The following NEDD9 variants were observed in gnomAD, a reference collection of about 807,000 sequenced individuals.
The protein encoded by NEDD9 is neural precursor cell expressed, developmentally down-regulated 9.
NEDD9 carries 26 observed loss-of-function variants against 76.6 expected under a neutral mutation model. The observed-to-expected ratio is 0.34, with a 90% confidence interval of 0.25 to 0.47. NEDD9 has a LOEUF of 0.47. Ranked by LOEUF, NEDD9 falls within the 20% of genes least tolerant of loss-of-function variation. The pLI is 1.00. For synonymous variants in NEDD9, 392 were observed against 414.2 expected (o/e 0.95, Z 0.65); for missense variants, 937 against 1,058.5 (o/e 0.89, Z 1.59).
chr6:11,328,870 T>C (rs559311383), intron 2 of NEDD9: 1 of 152,388 alleles, frequency 6.6e-6, no homozygotes, highest in Non-Finnish European at 1.5e-5. Context: ...CTCCATGAGA[T>C]ACCTCCTAAA....
At chr6:11,366,304 A>G (rs1173418325) in intron 1 of NEDD9, among the ~76,000 whole-genome samples, 51 of 124,806 alleles carry the variant, frequency 4.1e-4, no homozygotes, top group Middle Eastern at 3.9e-3. Context: ...GGAAAGAAAG[A>G]AAGAAAGAGA....
chr6:11,222,692 T>C (rs1759182456), intron 1 of NEDD9, among the ~76,000 whole-genome samples: 1 of 152,236 alleles, frequency 6.6e-6, no homozygotes, highest in African/African-American at 2.4e-5. Flanking sequence ...ACTTTAAAGT[T>C]GCCTTAGAGA....
intron 1 of NEDD9, among the ~76,000 whole-genome samples, chr6:11,337,471 G>A (rs1459966244): frequency 1.3e-5 from 2 of 152,156 alleles, no homozygotes; most frequent in Non-Finnish European, 2.9e-5. Flanking sequence ...ACAAACATGT[G>A]AGCAATGCAT....
chr6:11,366,979 A>G (rs911428858), intron 1 of NEDD9, among the ~76,000 whole-genome samples: 2 of 152,258 alleles, frequency 1.3e-5, no homozygotes, highest in Admixed American at 1.3e-4. Context: ...GTTGTTACCT[A>G]GCACCAAGAT....
intron 2 of NEDD9, among the ~76,000 whole-genome samples, chr6:11,195,577 G>A (rs891687669): frequency 7.2e-5 from 11 of 152,124 alleles, no homozygotes; most frequent in African/African-American, 2.7e-4. Flanking sequence ...TGCTCATAGT[G>A]CAGCTTTTGT....
At chr6:11,369,905 ACTG>A (rs1168992002) in intron 1 of NEDD9, among the ~76,000 whole-genome samples, 1 of 152,348 alleles carries the variant, frequency 6.6e-6, no homozygotes, top group East Asian at 1.9e-4. Flanking sequence ...ATCATGCTCA[ACTG>A]CATTTCACAT....
chr6:11,291,350 C>T (rs1446662269), intron 3 of NEDD9, among the ~76,000 whole-genome samples: 2 of 145,110 alleles, frequency 1.4e-5, no homozygotes, highest in African/African-American at 5.3e-5. Flanking sequence ...TCTCTGCTCA[C>T]TGCAAGCTCC....
rs1026141571 is a variant in NEDD9 at position 11,371,041 on chromosome 6, G to A, written c.-214+11098C>T. On this transcript the variant is annotated intron_variant, in intron 1 of 3. Transcript: ENST00000397378. ...AGGCAGAGGGACTGTCAGTGCAAAC[G>A]TCCGGTGTTGGGCACTTTCTTGGCC... Among the ~76,000 whole-genome samples the A allele has an allele frequency of 3.3e-5, 5 of 152,224 alleles. No individual in the cohort carries two copies. In the East Asian group the frequency reaches 9.6e-4, roughly 29 times the overall value.
intron 2 of NEDD9, among the ~76,000 whole-genome samples, chr6:11,205,112 T>C (rs72827123): frequency 0.02 from 3,015 of 152,322 alleles, 45 homozygotes; most frequent in South Asian, 0.045. Flanking sequence ...ATCATTAGCA[T>C]TGGAGTCAGA....
At chr6:11,254,529 A>C (rs1759967799) in intron 3 of NEDD9, among the ~76,000 whole-genome samples, 1 of 152,250 alleles carries the variant, frequency 6.6e-6, no homozygotes, top group Non-Finnish European at 1.5e-5. Context: ...TTTTGGTTAC[A>C]TAAATACATT....
At chr6:11,286,404 A>T (rs912175628) in intron 3 of NEDD9, among the ~76,000 whole-genome samples, 3 of 152,242 alleles carry the variant, frequency 2.0e-5, no homozygotes, top group African/African-American at 4.8e-5. Flanking sequence ...ATGGGAACAT[A>T]GTTAGGCAGT....
chr6:11,348,501 G>A (rs780459715), intron 1 of NEDD9, among the ~76,000 whole-genome samples: 15 of 152,062 alleles, frequency 9.9e-5, no homozygotes, highest in East Asian at 1.9e-4. Flanking sequence ...AGAACAAAGC[G>A]GGAGGTAACA....
At chr6:11,326,686 T>C (rs1279864551) in intron 2 of NEDD9, among the ~76,000 whole-genome samples, 1 of 152,180 alleles carries the variant, frequency 6.6e-6, no homozygotes, top group African/African-American at 2.4e-5. Context: ...CTGGCCTTTG[T>C]CACTGAGAAC....
intron 2 of NEDD9, among the ~76,000 whole-genome samples, chr6:11,312,689 A>AT (rs1761408229): frequency 3.0e-5 from 3 of 98,824 alleles, no homozygotes; most frequent in African/African-American, 1.3e-4. Flanking sequence ...TATATTATAT[A>AT]TATTATATAT....
intron 1 of NEDD9, among the ~76,000 whole-genome samples, chr6:11,348,113 C>T (rs1321984991): frequency 6.6e-6 from 1 of 152,166 alleles, no homozygotes; most frequent in Non-Finnish European, 1.5e-5. Flanking sequence ...AATTGATGTA[C>T]AAAAATTACG....
chr6:11,303,272 A>G (rs138490162), intron 3 of NEDD9, among the ~76,000 whole-genome samples: 2,298 of 152,292 alleles, frequency 0.015, 32 homozygotes, highest in East Asian at 0.031. Context: ...CACAATTACT[A>G]CAAAAAGAAT....
intron 4 of NEDD9, 65 bp downstream of exon 4, chr6:11,192,279 CT>C (rs1758163774): frequency 5.5e-6 from 2 of 364,636 alleles, no homozygotes; most frequent in Non-Finnish European, 9.1e-6. Context: ...CCTCCCAACC[CT>C]GCACCCCCCG....
intron 1 of NEDD9, among the ~76,000 whole-genome samples, chr6:11,372,775 T>G (rs902336449): frequency 2.6e-5 from 4 of 152,262 alleles, no homozygotes; most frequent in African/African-American, 9.6e-5. Context: ...TTCATATACC[T>G]GCTTGCCATT....
At position 11,381,634 on chromosome 6, in the gene NEDD9, A is replaced by G. The variant is rs140078587; in HGVS notation, c.-214+505T>C. On this transcript the variant is annotated intron_variant, in intron 1 of 3. Coordinates refer to the NEDD9 transcript ENST00000397378. ...ACTTGTCCTCAGCCCCTTGGAGATG[A>G]TCCTAATGACTACAGGGATAGGACA... Among the ~76,000 whole-genome samples, 663 of 152,298 alleles carry G rather than the reference A, an allele frequency of 4.4e-3. 9 individuals are homozygous for G. Among genetic ancestry groups the G allele is most frequent in the African/African-American group, 0.015 (636 of 41,548 alleles).
Sources: allele counts gnomAD v4.1 joint callset (sites outside exome capture counted in the v4.1 genomes callset), GRCh38; gene constraint gnomAD v4.1.1; transcripts MANE v1.5; gene names NCBI Gene and HGNC (gene_info 2026-07-23, HGNC 2026-07-21).